Variants in ZMAT4 observed in about 807,000 individuals in gnomAD.
The protein encoded by ZMAT4 is zinc finger matrin-type protein 4.
A neutral mutation model predicts 28.7 loss-of-function variants in ZMAT4; 17 were observed. The ratio of observed to expected loss-of-function variants is 0.59; its 90% confidence interval spans 0.41 to 0.89. The LOEUF (loss-of-function observed/expected upper bound fraction) is 0.89. Among genes scored for constraint, ZMAT4 ranks in the 40% least tolerant of loss-of-function variants. The pLI is 0.00. For missense variants in ZMAT4, 240 were observed against 283.8 expected, an observed-to-expected ratio of 0.85 and a Z score of 1.11; for synonymous variants, 117 against 109.2, an observed-to-expected ratio of 1.07 and a Z score of -0.44.
intron 5 of ZMAT4, among the ~76,000 whole-genome samples, chr8:40,591,404 G>A (rs568109093): frequency 6.6e-6 from 1 of 152,296 alleles, no homozygotes; most frequent in South Asian, 2.1e-4. Context: ...TGGGCCAGAT[G>A]TGTGTGCAGG....
intron 6 of ZMAT4, among the ~76,000 whole-genome samples, chr8:40,567,131 G>T (rs578086012): frequency 4.6e-4 from 70 of 152,224 alleles, no homozygotes; most frequent in African/African-American, 1.5e-3. Flanking sequence ...AATAGCACCA[G>T]AGGCCGTAGA....
rs1013071147 is a variant in ZMAT4 at position 40,834,654 on chromosome 8, A to G, written c.-4-8974T>C. Among the ~76,000 whole-genome samples the G allele has an allele frequency of 3.9e-5, 6 of 152,284 alleles. No homozygotes were observed. The South Asian group carries it at 6.2e-4, about 16-fold the overall frequency. On this transcript the variant is annotated intron_variant, in intron 1 of 6. Transcript: ENST00000297737. ...TGGGATCCAGCACACACCACCCTCCATAAACACAGACAGACTTCCCACCTG... is the reference window on the plus strand; with the variant it reads ...TGGGATCCAGCACACACCACCCTCCGTAAACACAGACAGACTTCCCACCTG...
At chr8:40,702,506 G>A (rs1810191132) in intron 3 of ZMAT4, among the ~76,000 whole-genome samples, 1 of 152,164 alleles carries the variant, frequency 6.6e-6, no homozygotes, top group African/African-American at 2.4e-5. Flanking sequence ...AAAGCATTTT[G>A]CAAAGTTAAA....
chr8:40,784,465 T>A (rs2150574249), intron 2 of ZMAT4, among the ~76,000 whole-genome samples: 1 of 152,246 alleles, frequency 6.6e-6, no homozygotes. Flanking sequence ...CCATTATACT[T>A]AATACGGAAA....
chr8:40,856,055 T>G (rs181017800), intron 1 of ZMAT4, among the ~76,000 whole-genome samples: 1 of 151,742 alleles, frequency 6.6e-6, no homozygotes, highest in South Asian at 2.1e-4. Context: ...CTCCCCCCGG[T>G]AGGGAATAGT....
At chr8:40,794,801 C>T (rs890752771) in intron 2 of ZMAT4, among the ~76,000 whole-genome samples, 12 of 151,840 alleles carry the variant, frequency 7.9e-5, no homozygotes, top group East Asian at 5.8e-4. Flanking sequence ...GGGACACAAA[C>T]GGCCAGCTGT....
chr8:40,646,857 G>A (rs538295929), intron 5 of ZMAT4, among the ~76,000 whole-genome samples: 1 of 152,300 alleles, frequency 6.6e-6, no homozygotes, highest in African/African-American at 2.4e-5. Flanking sequence ...GTAAACCTTA[G>A]AGACATCTGT....
chr8:40,677,931 A>G (rs1193707050), intron 4 of ZMAT4, among the ~76,000 whole-genome samples: 1 of 152,216 alleles, frequency 6.6e-6, no homozygotes, highest in East Asian at 1.9e-4. Flanking sequence ...AGTAATTTCA[A>G]CATTAAACTC....
chr8:40,649,577 A>G (rs923101045), intron 5 of ZMAT4, among the ~76,000 whole-genome samples: 10 of 152,178 alleles, frequency 6.6e-5, no homozygotes, highest in Non-Finnish European at 1.2e-4. Context: ...AAGCAGACCT[A>G]ATAGACATCT....
At chr8:40,782,368 G>A (rs1368926137) in intron 2 of ZMAT4, among the ~76,000 whole-genome samples, 2 of 152,098 alleles carry the variant, frequency 1.3e-5, no homozygotes, top group Admixed American at 6.5e-5. Context: ...CCTGGTGATA[G>A]AGCAAGACTC....
intron 5 of ZMAT4, among the ~76,000 whole-genome samples, chr8:40,626,981 C>T (rs375109573): frequency 2.6e-5 from 4 of 152,122 alleles, no homozygotes; most frequent in Non-Finnish European, 5.9e-5. Context: ...TCCTAATAAC[C>T]CTGCTCTGAA....
chr8:40,647,935 A>G (rs1367436480), intron 5 of ZMAT4, among the ~76,000 whole-genome samples: 1 of 152,224 alleles, frequency 6.6e-6, no homozygotes, highest in Non-Finnish European at 1.5e-5. Flanking sequence ...CATCACCATC[A>G]TCAAAGACCA....
At chr8:40,726,441 AC>A (rs1348591732) in intron 3 of ZMAT4, among the ~76,000 whole-genome samples, 1 of 152,156 alleles carries the variant, frequency 6.6e-6, no homozygotes, top group Admixed American at 6.5e-5. Flanking sequence ...CTCTCTCCTG[AC>A]TTTTGGCCTT....
At chr8:40,730,154 A>G (rs1401276458) in intron 3 of ZMAT4, among the ~76,000 whole-genome samples, 1 of 152,220 alleles carries the variant, frequency 6.6e-6, no homozygotes, top group Non-Finnish European at 1.5e-5. Context: ...GGAAGCCCAT[A>G]GTCATGAATT....
intron 6 of ZMAT4, among the ~76,000 whole-genome samples, chr8:40,542,670 T>A (rs181761386): frequency 6.6e-6 from 1 of 152,312 alleles, no homozygotes; most frequent in Admixed American, 6.5e-5. Context: ...ATTATACGCA[T>A]GAACCAGTGT....
chr8:40,738,294 G>A (rs1251719956), intron 3 of ZMAT4, among the ~76,000 whole-genome samples: 4 of 152,134 alleles, frequency 2.6e-5, no homozygotes, highest in African/African-American at 4.8e-5. Flanking sequence ...ACTCTGCTTT[G>A]TTTGGGAAGC....
chr8:40,630,428 T>C (rs1240249615), intron 5 of ZMAT4, among the ~76,000 whole-genome samples: 2 of 152,122 alleles, frequency 1.3e-5, no homozygotes, highest in East Asian at 1.9e-4. Context: ...ACTTCATAAA[T>C]GACGAAACTG....
At chr8:40,769,279 A>G (rs1272510310) in intron 2 of ZMAT4, among the ~76,000 whole-genome samples, 1 of 151,954 alleles carries the variant, frequency 6.6e-6, no homozygotes, top group Non-Finnish European at 1.5e-5. Context: ...TTGTTTGTTT[A>G]TTTTTGTCTA....
intron 6 of ZMAT4, among the ~76,000 whole-genome samples, chr8:40,559,431 T>TA (rs1803657863): frequency 6.6e-6 from 1 of 152,084 alleles, no homozygotes; most frequent in Non-Finnish European, 1.5e-5. Context: ...TTCCTCCTCC[T>TA]AACATAACCT....
Sources: allele counts gnomAD v4.1 joint callset (sites outside exome capture counted in the v4.1 genomes callset), GRCh38; gene constraint gnomAD v4.1.1; transcripts MANE v1.5; gene names NCBI Gene and HGNC (gene_info 2026-07-23, HGNC 2026-07-21).